The following RPTOR variants were observed in gnomAD, a reference collection of about 807,000 sequenced individuals.
RPTOR encodes regulatory associated protein of MTOR complex 1.
Under a neutral mutation model 169.9 loss-of-function variants are expected in RPTOR, and 21 were observed. The observed-to-expected ratio is 0.12, with a 90% CI of 0.09 to 0.18. The LOEUF is 0.18. Among genes scored for constraint, RPTOR ranks in the 10% least tolerant of loss-of-function variants. RPTOR has a pLI of 1.00. For synonymous variants in RPTOR, 732 were observed against 753.2 expected (o/e 0.97, Z 0.46); for missense variants, 1,133 against 1,855.9 (o/e 0.61, Z 7.16).
chr17:80,848,715 G>A (rs1407826162), intron 11 of RPTOR, among the ~76,000 whole-genome samples: 6 of 152,260 alleles, frequency 3.9e-5, no homozygotes. Context: ...TTTGAGCAAT[G>A]TGATGGAGTA....
intron 1 of RPTOR, among the ~76,000 whole-genome samples, chr17:80,606,126 C>G (rs1231861066): frequency 6.6e-6 from 1 of 152,140 alleles, no homozygotes; most frequent in Non-Finnish European, 1.5e-5. Context: ...GTTCTCCTGC[C>G]TCAGCCTCCC....
chr17:80,577,230 G>A (rs1040202621), intron 1 of RPTOR, among the ~76,000 whole-genome samples: 9 of 151,990 alleles, frequency 5.9e-5, no homozygotes, highest in South Asian at 2.1e-4. Context: ...GGGTTTCACC[G>A]TGTTGGTCAG....
chr17:80,780,636 T>A (rs930289945), intron 6 of RPTOR, among the ~76,000 whole-genome samples: 105 of 152,314 alleles, frequency 6.9e-4, no homozygotes, highest in African/African-American at 2.2e-3. Context: ...TTTTGCCGTT[T>A]ATGCTATTTT....
At chr17:80,811,539 T>C (rs2067271741) in intron 7 of RPTOR, among the ~76,000 whole-genome samples, 1 of 151,868 alleles carries the variant, frequency 6.6e-6, no homozygotes, top group African/African-American at 2.4e-5. Flanking sequence ...CCACGCCCTC[T>C]CCAACAAGGC....
intron 21 of RPTOR, among the ~76,000 whole-genome samples, chr17:80,912,854 G>T (rs771226677): frequency 6.6e-6 from 1 of 152,176 alleles, no homozygotes; most frequent in Non-Finnish European, 1.5e-5. Context: ...TGCCTGCTTT[G>T]CCGTTCTAGA....
At chr17:80,723,497 T>C (rs1278991890) in intron 4 of RPTOR, among the ~76,000 whole-genome samples, 1 of 151,390 alleles carries the variant, frequency 6.6e-6, no homozygotes, top group Non-Finnish European at 1.5e-5. Context: ...CCATTATTAT[T>C]ATCATTATTT....
chr17:80,693,778 C>T lies in RPTOR; in HGVS notation c.349-14063C>T, dbSNP rs114318315. ...GGTGCTGTGGGAAACAGCGTTTTGC[C>T]AGGGGCCAGAGAGCTGACTCAGATA... On this transcript the variant is annotated intron_variant, in intron 3 of 33. Coordinates refer to ENST00000306801, the MANE Select transcript of RPTOR (RefSeq NM_020761.3). 9.1e-3 allele frequency among the ~76,000 whole-genome samples: 1,379 copies of T among 152,342 alleles called. 18 individuals carry two copies. Among genetic ancestry groups the T allele is most frequent in the African/African-American group, 0.027 (1,142 of 41,584 alleles).
intron 7 of RPTOR, among the ~76,000 whole-genome samples, chr17:80,807,765 C>A (rs2067234134): frequency 6.6e-6 from 1 of 151,762 alleles, no homozygotes; most frequent in African/African-American, 2.4e-5. Context: ...ATTTTATATT[C>A]TTTACTATAC....
At chr17:80,704,682 C>CT (rs1567866668) in intron 3 of RPTOR, among the ~76,000 whole-genome samples, 1 of 152,204 alleles carries the variant, frequency 6.6e-6, no homozygotes, top group Non-Finnish European at 1.5e-5. Context: ...CAGTAAAAAT[C>CT]TGAGTATGAC....
chr17:80,838,640 T>C (rs1253698092), intron 10 of RPTOR, among the ~76,000 whole-genome samples: 1 of 152,180 alleles, frequency 6.6e-6, no homozygotes, highest in Admixed American at 6.5e-5. Context: ...GCCTCTCACA[T>C]CTGTGCAGAA....
At chr17:80,904,088 G>T (rs936940916) in intron 20 of RPTOR, among the ~76,000 whole-genome samples, 2 of 152,264 alleles carry the variant, frequency 1.3e-5, no homozygotes, top group Non-Finnish European at 1.5e-5. Context: ...CGGCCCGGGA[G>T]GTGCTGCGTC....
chr17:80,585,593 G>A (rs987078682), intron 1 of RPTOR, among the ~76,000 whole-genome samples: 3 of 152,178 alleles, frequency 2.0e-5, no homozygotes, highest in Non-Finnish European at 4.4e-5. Flanking sequence ...CCGGGCACAC[G>A]GTGCACAGCA....
intron 5 of RPTOR, among the ~76,000 whole-genome samples, chr17:80,748,023 G>A (rs1403698059): frequency 2.6e-4 from 34 of 132,818 alleles, no homozygotes; most frequent in African/African-American, 1.3e-3. Flanking sequence ...GAGGGACTGC[G>A]GTGTGTGTTT....
intron 24 of RPTOR, among the ~76,000 whole-genome samples, chr17:80,940,027 G>T (rs945980966): frequency 6.6e-6 from 1 of 152,312 alleles, no homozygotes; most frequent in African/African-American, 2.4e-5. Flanking sequence ...AGCAGACACA[G>T]GACCCACAAC....
At chr17:80,607,601 A>T (rs1000419601) in intron 1 of RPTOR, among the ~76,000 whole-genome samples, 1 of 10,764 alleles carries the variant, frequency 9.3e-5, no homozygotes, top group Non-Finnish European at 2.1e-4. Context: ...TATGCCATTT[A>T]TATATATATA....
At chr17:80,857,989 C>G (rs1362812835) in intron 13 of RPTOR, 89 bp downstream of exon 13, 3 of 1,027,634 alleles carry the variant, frequency 2.9e-6, no homozygotes, top group African/African-American at 3.1e-5. Context: ...CCTGCCCTTT[C>G]TCCAGCCTCG....
intron 9 of RPTOR, among the ~76,000 whole-genome samples, chr17:80,835,283 C>T (rs565938631): frequency 6.6e-6 from 1 of 152,222 alleles, no homozygotes; most frequent in South Asian, 2.1e-4. Flanking sequence ...TAACATTTTT[C>T]ATTCTCATTT....
chr17:80,862,239 G>T (rs573446311), intron 13 of RPTOR, among the ~76,000 whole-genome samples: 52 of 152,242 alleles, frequency 3.4e-4, no homozygotes, highest in Non-Finnish European at 6.5e-4. Context: ...TAACCAGCTT[G>T]TTGCACCTGC....
intron 7 of RPTOR, among the ~76,000 whole-genome samples, chr17:80,808,244 G>A (rs955549751): frequency 5.9e-5 from 9 of 152,090 alleles, no homozygotes; most frequent in African/African-American, 1.9e-4. Context: ...GAGCAACATA[G>A]CAAGACCCCA....
Sources: gnomAD v4.1 joint callset for allele counts (sites outside exome capture counted in the v4.1 genomes callset) on GRCh38, gnomAD v4.1.1 for gene constraint, MANE v1.5 for transcripts, NCBI Gene and HGNC (gene_info 2026-07-23, HGNC 2026-07-21) for gene names.